Variants in WDR7 observed in about 807,000 individuals in gnomAD.
WDR7 encodes WD repeat domain 7, also known as WD repeat-containing protein 7.
WDR7 carries 46 observed loss-of-function variants against 169.4 expected under a neutral mutation model. The observed-to-expected ratio is 0.27, with a 90% CI of 0.21 to 0.35. WDR7 has a LOEUF of 0.35. WDR7 is among the 10% of genes least tolerant of loss of function. The pLI, the probability that WDR7 is intolerant of heterozygous loss-of-function variation, is 1.00. For synonymous variants in WDR7, 612 were observed against 666.8 expected (o/e 0.92, Z 1.27); for missense variants, 1,534 against 1,859.3 (o/e 0.83, Z 3.22).
At position 56,935,827 on chromosome 18, in the gene WDR7, G is replaced by T. The variant is rs147412167; in HGVS notation, c.3753G>T (p.Ser1251=). 18 of 1,613,772 alleles carry T rather than the reference G, an allele frequency of 1.1e-5. No homozygotes were observed. The highest frequency in any genetic ancestry group is 1.6e-4 in the Middle Eastern group (1 of 6,070). The change falls in exon 23 of 28, where the codon TCG becomes TCT. Residue 1251 remains serine (S), a synonymous_variant. Coordinates refer to ENST00000254442, the MANE Select transcript of WDR7 (RefSeq NM_015285.3). ...MGLPLSPAAD[S]ARSARHALSL... ...TGCCTCTGAGCCCAGCAGCTGACTCGGCCCGCTCTGCGAGGCATGCCCTCT... is the reference window on the plus strand; with the variant it reads ...TGCCTCTGAGCCCAGCAGCTGACTCTGCCCGCTCTGCGAGGCATGCCCTCT...
At chr18:56,987,285 CAAAAAAA>C (rs74182165) in intron 26 of WDR7, among the ~76,000 whole-genome samples, 27 of 75,272 alleles carry the variant, frequency 3.6e-4, no homozygotes, top group Middle Eastern at 0.01. Flanking sequence ...TCATCTGTAC[CAAAAAAA>C]AAAAAAAAAA....
At chr18:56,679,582 T>C (rs2025314873) in intron 3 of WDR7, 144 bp downstream of exon 3, 1 of 481,288 alleles carries the variant, frequency 2.1e-6, no homozygotes, top group African/African-American at 2.0e-5. Flanking sequence ...ATGTAGATAT[T>C]TAAAATCTGA....
At chr18:56,794,777 A>G (rs1303934485) in intron 19 of WDR7, among the ~76,000 whole-genome samples, 2 of 152,180 alleles carry the variant, frequency 1.3e-5, no homozygotes, top group Non-Finnish European at 2.9e-5. Flanking sequence ...ATAAAAGTTC[A>G]TATATAACAG....
intron 21 of WDR7, among the ~76,000 whole-genome samples, chr18:56,905,629 A>C (rs1003060140): frequency 6.7e-6 from 1 of 149,908 alleles, no homozygotes; most frequent in African/African-American, 2.5e-5. Flanking sequence ...GAAACTATAT[A>C]TATATATATA....
At chr18:56,960,061 C>T (rs1160873175) in intron 25 of WDR7, among the ~76,000 whole-genome samples, 1 of 152,202 alleles carries the variant, frequency 6.6e-6, no homozygotes, top group Non-Finnish European at 1.5e-5. Flanking sequence ...AAGATTAAAA[C>T]ATGCCTTATG....
intron 14 of WDR7, among the ~76,000 whole-genome samples, chr18:56,743,171 G>T (rs1163330878): frequency 6.6e-6 from 1 of 152,112 alleles, no homozygotes; most frequent in Non-Finnish European, 1.5e-5. Context: ...GTGTGATATC[G>T]AATGTAAAAG....
chr18:57,017,968 C>G (rs1304474170), intron 26 of WDR7, among the ~76,000 whole-genome samples: 1 of 152,186 alleles, frequency 6.6e-6, no homozygotes. Flanking sequence ...TCTGAAGGAG[C>G]AAATATGGTC....
chr18:56,725,287 T>C (rs2026421109), intron 13 of WDR7, among the ~76,000 whole-genome samples: 1 of 150,890 alleles, frequency 6.6e-6, no homozygotes, highest in South Asian at 2.1e-4. Flanking sequence ...AAAGTGTTCC[T>C]ATTTCTCTAC....
At position 56,698,206 on chromosome 18, in the gene WDR7, A is replaced by T. The variant is rs185150126; in HGVS notation, c.1578+1744A>T. Among the ~76,000 whole-genome samples, 997 of 152,094 alleles carry T rather than the reference A, an allele frequency of 6.6e-3. 4 individuals carry two copies. The highest frequency in any genetic ancestry group is 0.01 in the Non-Finnish European group (690 of 67,974). ...GCGAAACGCTGTTTAAAAAAAAAAA[A>T]GTTTGGAATGGCTTACACAAGGTCA... On this transcript the variant is annotated intron_variant, in intron 12 of 27. Transcript: ENST00000254442.
chr18:57,034,940 T>A, the WDR7 span: 1 of 152,126 alleles, frequency 6.6e-6, no homozygotes, highest in Non-Finnish European at 1.5e-5. Flanking sequence ...AAAAATCTTC[T>A]GCCCCAGGGT....
chr18:56,686,824 T>C, intron 6 of WDR7, 31 bp from the exon 7 acceptor site: 1 of 1,452,244 alleles, frequency 6.9e-7, no homozygotes. Flanking sequence ...AATCATGCTA[T>C]TCCTAAATTT....
chr18:56,709,479 T>C (rs1453848237), intron 12 of WDR7, among the ~76,000 whole-genome samples: 1 of 152,200 alleles, frequency 6.6e-6, no homozygotes, highest in African/African-American at 2.4e-5. Flanking sequence ...ATTCATGACA[T>C]GTTAGTCACT....
intron 16 of WDR7, among the ~76,000 whole-genome samples, chr18:56,761,628 A>G (rs1203460111): frequency 6.6e-6 from 1 of 151,988 alleles, no homozygotes; most frequent in East Asian, 1.9e-4. Context: ...AACTTGATAT[A>G]TCTCTGCATT....
Position 56,951,024 on chromosome 18 carries a change from C to T in WDR7, c.4065-11406C>T, listed in dbSNP as rs1324142313. Among the ~76,000 whole-genome samples the T allele has an allele frequency of 3.3e-5, 5 of 152,140 alleles. No homozygotes were observed. In the East Asian group the frequency reaches 9.6e-4, roughly 29 times the overall value. The stretch of plus-strand genomic sequence containing the variant: ...AATAAGGCCAAGCTTATTCCTACCT[C>T]AGAACTTTTGTTGTTGCTATTTCCT... On this transcript the variant is annotated intron_variant, in intron 25 of 27. Coordinates refer to ENST00000254442, the MANE Select transcript of WDR7 (RefSeq NM_015285.3).
intron 25 of WDR7, among the ~76,000 whole-genome samples, chr18:56,946,216 T>G (rs74899325): frequency 0.035 from 5,265 of 152,264 alleles, 312 homozygotes; most frequent in African/African-American, 0.12. Context: ...CTGTCTGTTC[T>G]CCTCCGGGGT....
In WDR7 at chr18:56,695,127, G is replaced by A. The variant is rs2025668842; in HGVS notation, c.1286G>A (p.Ser429Asn). Residue 429 changes from serine to asparagine, a missense_variant, in exon 11 of 28, where the codon AGC becomes AAC. Coordinates refer to ENST00000254442, the MANE Select transcript of WDR7 (RefSeq NM_015285.3). ...CTTGTTTGTGGTCGTGAAGATGGAA[G>A]CATAGTTATTGTACCTGCCACACAG... ...GRLVCGREDG[S>N]IVIVPATQTA... 1 of 1,614,134 alleles carries A rather than the reference G, an allele frequency of 6.2e-7. No homozygotes were observed. The highest frequency in any genetic ancestry group is 2.2e-5 in the East Asian group (1 of 44,874).
At chr18:56,798,159 A>C (rs2044615896) in intron 19 of WDR7, among the ~76,000 whole-genome samples, 1 of 152,172 alleles carries the variant, frequency 6.6e-6, no homozygotes. Flanking sequence ...TGTAATAGCA[A>C]ATTTAATTAT....
intron 14 of WDR7, among the ~76,000 whole-genome samples, chr18:56,749,600 A>T (rs960885180): frequency 4.6e-5 from 7 of 152,070 alleles, no homozygotes; most frequent in Non-Finnish European, 8.8e-5. Context: ...ACCATTTGAT[A>T]TCACTATAGA....
intron 16 of WDR7, among the ~76,000 whole-genome samples, chr18:56,767,027 G>T (rs529160429): frequency 7.8e-4 from 119 of 152,288 alleles, no homozygotes; most frequent in African/African-American, 1.7e-3. Flanking sequence ...GTGGGATGCA[G>T]TTATGTCATG....
Sources: gnomAD v4.1 joint callset for allele counts (sites outside exome capture counted in the v4.1 genomes callset) on GRCh38, gnomAD v4.1.1 for gene constraint, MANE v1.5 for transcripts, NCBI Gene and HGNC (gene_info 2026-07-23, HGNC 2026-07-21) for gene names.